DENND1B: variants seen among roughly 807,000 people sequenced by gnomAD.
DENND1B encodes DENN domain-containing protein 1B.
Under a neutral mutation model 90.1 loss-of-function variants are expected in DENND1B, and 59 were observed. That is an observed-to-expected ratio of 0.65 (90% confidence interval 0.53 to 0.81). The LOEUF (loss-of-function observed/expected upper bound fraction) is 0.81, where lower values mean the gene tolerates loss of function less well. Ranked by LOEUF, DENND1B falls within the 40% of genes least tolerant of loss-of-function variation. The probability of loss-of-function intolerance (pLI) is 0.00; values close to 1 mark genes in which losing one functional copy is unlikely to be tolerated. For missense variants in DENND1B, 862 were observed against 912.6 expected (o/e 0.94, Z 0.71); for synonymous variants, 337 against 324.6 (o/e 1.04, Z -0.41).
intron 5 of DENND1B, among the ~76,000 whole-genome samples, chr1:197,664,747 T>C (rs1164659135): frequency 6.6e-6 from 1 of 152,134 alleles, no homozygotes; most frequent in East Asian, 1.9e-4. Context: ...GAGGCTGTTT[T>C]TCTGTCTGGA....
chr1:197,510,412 G>A lies in DENND1B; in HGVS notation c.*48C>T. ...TACAAATAATTCTGTTTATTATACA[G>A]ATTGCATTGAATCTCAAAATGTCTC... On this transcript the variant is annotated 3_prime_UTR_variant, in exon 23 of 23. Transcript: ENST00000620048. 3 of 1,530,250 alleles carry A rather than the reference G, an allele frequency of 2.0e-6. No homozygotes were observed. The South Asian group carries it at 3.9e-5, about 20-fold the overall frequency. The allele number at this position is 1,530,250 out of a possible 1,614,324, so 94.8% of individuals were successfully genotyped here.
At chr1:197,728,349 A>G in intron 2 of DENND1B, among the ~76,000 whole-genome samples, 1 of 152,250 alleles carries the variant, frequency 6.6e-6, no homozygotes, top group Non-Finnish European at 1.5e-5. Flanking sequence ...AAACAAGAAC[A>G]TAATATATAA....
At chr1:197,725,672 T>C (rs565725732) in intron 2 of DENND1B, among the ~76,000 whole-genome samples, 2 of 150,250 alleles carry the variant, frequency 1.3e-5, no homozygotes, top group South Asian at 2.1e-4. Flanking sequence ...TGAAAAAAAA[T>C]CTAAAAGAGT....
At chr1:197,662,591 TC>T (rs1417719409) in intron 5 of DENND1B, among the ~76,000 whole-genome samples, 1 of 152,122 alleles carries the variant, frequency 6.6e-6, no homozygotes, top group East Asian at 1.9e-4. Context: ...TACTTTAAGT[TC>T]TAGGGTACAC....
At chr1:197,516,176 ATT>A (rs1339589986) in intron 20 of DENND1B, among the ~76,000 whole-genome samples, 2 of 151,870 alleles carry the variant, frequency 1.3e-5, no homozygotes, top group Non-Finnish European at 2.9e-5. Context: ...AGTAAAACTG[ATT>A]AATATGTTGT....
chr1:197,511,092 TGA>T (rs1571681151), intron 22 of DENND1B, 120 bp from the exon 23 acceptor site: 2 of 1,057,340 alleles, frequency 1.9e-6, no homozygotes. Context: ...AATACAGCAT[TGA>T]GAGTCAATTT....
intron 13 of DENND1B, among the ~76,000 whole-genome samples, chr1:197,601,443 G>A (rs770790258): frequency 2.2e-4 from 34 of 151,474 alleles, no homozygotes; most frequent in Admixed American, 1.3e-3. Flanking sequence ...AAGTTGCTTG[G>A]ATATGGAAAA....
chr1:197,681,295 T>G (rs1032723914), intron 3 of DENND1B, among the ~76,000 whole-genome samples: 10 of 152,152 alleles, frequency 6.6e-5, no homozygotes, highest in African/African-American at 2.4e-4. Flanking sequence ...AAGCAAACAC[T>G]GTTAACATTG....
chr1:197,639,909 C>T (rs1485147323), intron 10 of DENND1B, among the ~76,000 whole-genome samples: 2 of 152,072 alleles, frequency 1.3e-5, no homozygotes, highest in African/African-American at 4.8e-5. Context: ...AGACTAAGAT[C>T]ATGAAAGAGA....
chr1:197,768,167 T>C (rs981035476), intron 2 of DENND1B, among the ~76,000 whole-genome samples: 2 of 150,658 alleles, frequency 1.3e-5, no homozygotes, highest in Admixed American at 6.6e-5. Context: ...CCTCCTCCTC[T>C]TCGTCGTCCT....
intron 13 of DENND1B, 125 bp from the exon 14 acceptor site, chr1:197,595,458 G>C (rs1675600596): frequency 1.6e-6 from 2 of 1,218,846 alleles, no homozygotes; most frequent in African/African-American, 1.5e-5. Flanking sequence ...CTCCCTGATA[G>C]CTTATCTTTT....
rs371946238 is a variant in DENND1B, at chr1:197,762,242, A to C, written c.82+10626T>G. ...CAAGATAGACTATAACTTCCACGAG[A>C]CAGACACCAAAAGGCTTATTAGTCA... On this transcript the variant is annotated intron_variant, in intron 2 of 22. Coordinates refer to ENST00000620048, the MANE Select transcript of DENND1B (RefSeq NM_001195215.2). 4.6e-5 allele frequency among the ~76,000 whole-genome samples: 7 copies of C among 152,126 alleles called. No homozygotes were observed. In the East Asian group the frequency reaches 9.6e-4, roughly 21 times the overall value.
intron 5 of DENND1B, among the ~76,000 whole-genome samples, chr1:197,670,443 C>CTGTGTGTGTGTGTGTGTGTG (rs60648023): frequency 0.027 from 2,681 of 99,472 alleles, 127 homozygotes; most frequent in East Asian, 0.043. Flanking sequence ...GGGGGGAAGA[C>CTGTGTGTGTGTGTGTGTGTG]TGTGTGTGTG....
chr1:197,637,692 T>G (rs772994123), intron 10 of DENND1B, among the ~76,000 whole-genome samples: 1 of 152,132 alleles, frequency 6.6e-6, no homozygotes, highest in Non-Finnish European at 1.5e-5. Context: ...AACTGGTAAG[T>G]AGAATTATTC....
intron 2 of DENND1B, among the ~76,000 whole-genome samples, chr1:197,765,799 T>C (rs1183411850): frequency 1.3e-5 from 2 of 152,122 alleles, no homozygotes; most frequent in South Asian, 2.1e-4. Flanking sequence ...ATAAAGAACA[T>C]GTAAACAAAT....
intron 15 of DENND1B, among the ~76,000 whole-genome samples, chr1:197,581,687 T>C (rs1413414988): frequency 2.6e-5 from 4 of 152,142 alleles, no homozygotes; most frequent in Non-Finnish European, 5.9e-5. Context: ...TCTGTAACTA[T>C]GCAAAAAAAT....
intron 20 of DENND1B, among the ~76,000 whole-genome samples, chr1:197,537,569 T>C (rs1172247147): frequency 6.6e-6 from 1 of 151,972 alleles, no homozygotes; most frequent in African/African-American, 2.4e-5. Flanking sequence ...GTTCTTACTT[T>C]GCAAAAAAAC....
chr1:197,591,361 T>C (rs914476837), intron 14 of DENND1B, among the ~76,000 whole-genome samples: 1 of 152,204 alleles, frequency 6.6e-6, no homozygotes, highest in Non-Finnish European at 1.5e-5. Context: ...CTGATAAACA[T>C]AAATTATATC....
At chr1:197,586,849 A>C (rs1250294340) in intron 14 of DENND1B, among the ~76,000 whole-genome samples, 1 of 152,178 alleles carries the variant, frequency 6.6e-6, no homozygotes, top group African/African-American at 2.4e-5. Context: ...TCACAGAGTT[A>C]ATCCCACTTT....
Sources: gnomAD v4.1 joint callset for allele counts (sites outside exome capture counted in the v4.1 genomes callset) on GRCh38, gnomAD v4.1.1 for gene constraint, MANE v1.5 for transcripts, NCBI Gene and HGNC (gene_info 2026-07-23, HGNC 2026-07-21) for gene names.